UIMC1: variants seen among roughly 807,000 people sequenced by gnomAD.
UIMC1 encodes the protein BRCA1-A complex subunit RAP80.
In UIMC1, 42 loss-of-function variants were observed where a neutral mutation model predicts 84.9. The ratio of observed to expected loss-of-function variants is 0.49; its 90% CI spans 0.39 to 0.64. The LOEUF is 0.64. Among genes scored for constraint, UIMC1 ranks in the 30% least tolerant of loss-of-function variants. The pLI is 0.00. For synonymous variants in UIMC1, 281 were observed against 293.0 expected (o/e 0.96, Z 0.42); for missense variants, 825 against 847.6 (o/e 0.97, Z 0.33).
chr5:176,980,678 T>A (rs1022209204), intron 2 of UIMC1, among the ~76,000 whole-genome samples: 2 of 152,222 alleles, frequency 1.3e-5, no homozygotes, highest in African/African-American at 4.8e-5. Flanking sequence ...CAATTTTTTT[T>A]AACATATCTG....
At chr5:177,014,057 C>CTTTTTTTTTTTTTTT (rs34686520) in intron 1 of UIMC1, among the ~76,000 whole-genome samples, 2 of 122,126 alleles carry the variant, frequency 1.6e-5, no homozygotes, top group Non-Finnish European at 1.8e-5. Flanking sequence ...TTTTTCTTTT[C>CTTTTTTTTTTTTTTT]TTTTTTTTTT....
At chr5:177,018,032 G>A (rs975690936) in intron 1 of UIMC1, among the ~76,000 whole-genome samples, 5 of 151,934 alleles carry the variant, frequency 3.3e-5, no homozygotes, top group Non-Finnish European at 7.4e-5. Flanking sequence ...TCTGTCACTA[G>A]ATTAGACATA....
At chr5:176,981,948 G>A (rs1030685728) in intron 2 of UIMC1, among the ~76,000 whole-genome samples, 2 of 152,174 alleles carry the variant, frequency 1.3e-5, no homozygotes, top group East Asian at 3.8e-4. Flanking sequence ...TTATTCCGGA[G>A]AATAAAGCTT....
chr5:176,969,001 C>G lies in UIMC1; in HGVS notation c.754G>C (p.Asp252His). ...GTAGGTAGACAGTGCCTAGATGTGT[C>G]CCCGCTACCCTGGACAGCTTTGAGA... ...AFLKAVQGSG[D>H]TSRHCLPTLA... The change falls in exon 6 of 15, where the codon GAC becomes CAC. Residue 252 changes from aspartate (D) to histidine (H), a missense_variant. Coordinates refer to ENST00000511320, the MANE Select transcript of UIMC1 (RefSeq NM_001199298.2). 2 of 1,614,194 alleles carry G rather than the reference C, an allele frequency of 1.2e-6. No individual in the cohort carries two copies. The highest frequency in any genetic ancestry group is 2.2e-5 in the South Asian group (2 of 91,088).
At chr5:176,963,825 CCACA>C (rs1316169121) in intron 6 of UIMC1, among the ~76,000 whole-genome samples, 5 of 151,508 alleles carry the variant, frequency 3.3e-5, no homozygotes, top group African/African-American at 9.8e-5. Flanking sequence ...TCTCACAACC[CCACA>C]CAATCTGGTC....
chr5:176,970,694 A>C (rs1488876382), intron 4 of UIMC1, 48 bp downstream of exon 4: 4 of 1,613,284 alleles, frequency 2.5e-6, no homozygotes, highest in Admixed American at 3.3e-5. Flanking sequence ...AGAAGTCAAA[A>C]ATATAGCTGA....
In UIMC1 at chr5:176,939,568, C is replaced by T. The variant is rs188663117; in HGVS notation, c.1597+3767G>A. Among the ~76,000 whole-genome samples the T allele has an allele frequency of 2.6e-3, 394 of 152,272 alleles. 6 individuals carry two copies. Among genetic ancestry groups the T allele is most frequent in the Admixed American group, 0.019 (296 of 15,292 alleles). ...GTGACTACAGTGTTCGGTACAGTAA[C>T]ACACTGTACAGGTTTGTAGCCCAAG... is the stretch of plus-strand genomic sequence containing the variant. On this transcript the variant is annotated intron_variant, in intron 10 of 14. Transcript: ENST00000511320.
At position 176,975,484 on chromosome 5, in the gene UIMC1, T is replaced by C. The variant is rs1407571767; in HGVS notation, c.148-4A>G. The C allele has an allele frequency of 1.2e-6, 2 of 1,613,916 alleles. No individual in the cohort carries two copies. Among genetic ancestry groups the C allele is most frequent in the African/African-American group, 1.3e-5 (1 of 74,934 alleles). ...ACCCATTTTCCTCCTTTGGTTCCTG[T>C]TGCAAAACAAGAAATATCATCAGTG... On this transcript the variant is annotated splice_polypyrimidine_tract_variant and splice_region_variant and intron_variant, in intron 2 of 14. Transcript: ENST00000511320.
At chr5:176,955,539 A>G (rs1766485725) in intron 8 of UIMC1, among the ~76,000 whole-genome samples, 1 of 152,180 alleles carries the variant, frequency 6.6e-6, no homozygotes, top group Non-Finnish European at 1.5e-5. Flanking sequence ...GGCTGCAGTG[A>G]GCTATGATTG....
Position 176,905,248 on chromosome 5 carries a change from C to T in UIMC1, c.*34G>A. 6.2e-7 allele frequency: 1 copy of T among 1,608,132 alleles called. No homozygotes were observed. Among genetic ancestry groups the T allele is most frequent in the South Asian group, 1.1e-5 (1 of 90,468 alleles). On this transcript the variant is annotated 3_prime_UTR_variant, in exon 15 of 15. Transcript: ENST00000511320. ...TAATGAACATGGCCCACCCCTCCTA[C>T]TAATGGTTTTGTCAACTTTTGGACC...
chr5:176,974,499 T>G (rs411584), intron 3 of UIMC1, among the ~76,000 whole-genome samples: 1 of 151,826 alleles, frequency 6.6e-6, no homozygotes, highest in African/African-American at 2.4e-5. Flanking sequence ...TCTTAGGACA[T>G]AGAAAGAAAA....
intron 9 of UIMC1, among the ~76,000 whole-genome samples, chr5:176,949,946 T>C (rs561908963): frequency 1.6e-3 from 246 of 151,634 alleles, no homozygotes; most frequent in African/African-American, 5.7e-3. Flanking sequence ...CCTAGTTACT[T>C]GGGAGGCTGA....
intron 10 of UIMC1, among the ~76,000 whole-genome samples, chr5:176,930,288 A>T (rs1762924414): frequency 6.6e-6 from 1 of 152,180 alleles, no homozygotes; most frequent in African/African-American, 2.4e-5. Context: ...ACAAATTATT[A>T]AAAAATATAT....
intron 1 of UIMC1, among the ~76,000 whole-genome samples, chr5:176,982,859 T>C (rs1433966356): frequency 1.3e-5 from 2 of 152,118 alleles, no homozygotes; most frequent in African/African-American, 4.8e-5. Flanking sequence ...GCCACCACAC[T>C]GGCTAATTTT....
Position 176,913,312 on chromosome 5 carries a change from G to C in UIMC1, c.1598-1923C>G, listed in dbSNP as rs116448255. Among the ~76,000 whole-genome samples, 1,384 of 152,162 alleles carry C rather than the reference G, an allele frequency of 9.1e-3. 8 individuals carry two copies. The highest frequency in any genetic ancestry group is 0.025 in the South Asian group (120 of 4,824). On this transcript the variant is annotated intron_variant, in intron 10 of 14. Coordinates refer to ENST00000511320, the MANE Select transcript of UIMC1 (RefSeq NM_001199298.2). ...ATTATTACTTTTCCCCAGTTTTAAT[G>C]GTATGGAAATAAACTAAGAGGAATT...
intron 10 of UIMC1, among the ~76,000 whole-genome samples, chr5:176,935,323 A>AT (rs1259377295): frequency 6.6e-6 from 1 of 152,162 alleles, no homozygotes; most frequent in African/African-American, 2.4e-5. Context: ...GTTCTCTTAC[A>AT]TTAATACCCT....
chr5:176,906,718 G>A (rs547961639), intron 13 of UIMC1, among the ~76,000 whole-genome samples: 247 of 152,308 alleles, frequency 1.6e-3, no homozygotes, highest in African/African-American at 5.7e-3. Context: ...AGGATCACAG[G>A]TTGCGACACT....
rs78803247 is a variant in UIMC1, at chr5:176,955,918, T to C, written c.1339+41A>G. The C allele has an allele frequency of 1.4e-3, 2,205 of 1,587,812 alleles. 31 individuals carry two copies. The African/African-American group carries it at 0.025, about 18-fold the overall frequency. ...AAATTAATAGGCATGAAAAGGTAAATAGGTATCAGAAATTCAGTAAAATCA... is the reference window on the plus strand; with the variant it reads ...AAATTAATAGGCATGAAAAGGTAAACAGGTATCAGAAATTCAGTAAAATCA... On this transcript the variant is annotated intron_variant, in intron 8 of 14. Transcript: ENST00000511320.
intron 1 of UIMC1, among the ~76,000 whole-genome samples, chr5:177,020,805 C>T (rs1775778282): frequency 1.3e-5 from 2 of 152,194 alleles, no homozygotes; most frequent in South Asian, 4.1e-4. Context: ...GTCTTGTTCA[C>T]CACTATATTT....
Sources: gnomAD v4.1 joint callset for allele counts (sites outside exome capture counted in the v4.1 genomes callset) on GRCh38, gnomAD v4.1.1 for gene constraint, MANE v1.5 for transcripts, NCBI Gene and HGNC (gene_info 2026-07-23, HGNC 2026-07-21) for gene names.